Variants in PCDHGA6 observed in about 807,000 individuals in gnomAD.
PCDHGA6 encodes protocadherin gamma-A6.
PCDHGA6 carries 41 observed loss-of-function variants against 60.6 expected under a neutral mutation model. That is an observed-to-expected ratio of 0.68 (90% CI 0.53 to 0.88). The LOEUF (loss-of-function observed/expected upper bound fraction) is 0.88. PCDHGA6 is among the 40% of genes least tolerant of loss of function. PCDHGA6 has a pLI of 0.00. For synonymous variants in PCDHGA6, 594 were observed against 524.4 expected, an observed-to-expected ratio of 1.13 and a Z score of -1.81; for missense variants, 1,312 against 1,203.0, an observed-to-expected ratio of 1.09 and a Z score of -1.34.
intron 1 of PCDHGA6, chr5:141,414,320 A>G: frequency 1.9e-6 from 3 of 1,613,840 alleles, no homozygotes; most frequent in Middle Eastern, 1.6e-4. Flanking sequence ...GACTCTGAGC[A>G]GAATGGACAG....
At chr5:141,471,926 G>T (rs2099266798) in intron 1 of PCDHGA6, among the ~76,000 whole-genome samples, 1 of 152,110 alleles carries the variant, frequency 6.6e-6, no homozygotes, top group African/African-American at 2.4e-5. Flanking sequence ...AATTTTGGGG[G>T]TGATGAGAGT....
At position 141,431,850 on chromosome 5, in the gene PCDHGA6, C is replaced by T; in HGVS notation, c.2424+55343C>T. On this transcript the variant is annotated intron_variant, in intron 1 of 3. Transcript: ENST00000517434. The surrounding 1 kb of genome is among the most constrained non-coding windows in gnomAD (Gnocchi z 4.8). ...GTTCCCGAAAACTCTCCCAGAGGGA[C>T]ATTAATTGCCCTTTTAAATGTAAAT... The T allele has an allele frequency of 1.9e-6, 3 of 1,614,234 alleles. No homozygotes were observed. The highest frequency in any genetic ancestry group is 2.2e-5 in the South Asian group (2 of 91,090).
chr5:141,379,662 C>T (rs995589385), intron 1 of PCDHGA6: 1 of 152,126 alleles, frequency 6.6e-6, no homozygotes, highest in Non-Finnish European at 1.5e-5. Flanking sequence ...TCTACTCTCA[C>T]AAAAGTCATT....
chr5:141,435,951 G>A (rs371199258), intron 1 of PCDHGA6, among the ~76,000 whole-genome samples: 1 of 152,100 alleles, frequency 6.6e-6, no homozygotes, highest in Non-Finnish European at 1.5e-5. Context: ...ACCAAAAAAG[G>A]GGGCAAAATA....
intron 1 of PCDHGA6, among the ~76,000 whole-genome samples, chr5:141,474,263 A>C (rs964712807): frequency 6.6e-6 from 1 of 152,188 alleles, no homozygotes; most frequent in Non-Finnish European, 1.5e-5. Context: ...CTGATAAACC[A>C]GTGTATCTCT....
intron 1 of PCDHGA6, chr5:141,478,588 T>G (rs2099465964): frequency 6.3e-7 from 1 of 1,575,000 alleles, no homozygotes; most frequent in African/African-American, 1.4e-5. Flanking sequence ...TAGTGCTTTT[T>G]TATTCCTACA....
At chr5:141,427,444 G>T (rs1184893966) in intron 1 of PCDHGA6, 1 of 482,228 alleles carries the variant, frequency 2.1e-6, no homozygotes, top group South Asian at 1.5e-5. Flanking sequence ...ATAAACGAAA[G>T]AGTTCCTTTT....
chr5:141,399,210 A>G, intron 1 of PCDHGA6: 2 of 1,613,974 alleles, frequency 1.2e-6, no homozygotes, highest in Non-Finnish European at 1.7e-6. Context: ...CTGGAACACT[A>G]ATTGCTTTGA....
At chr5:141,409,201 AATC>A (rs1377420843) in intron 1 of PCDHGA6, 1 of 1,614,044 alleles carries the variant, frequency 6.2e-7, no homozygotes, top group Non-Finnish European at 8.5e-7. Context: ...AGTGTAAAGT[AATC>A]ATAGAAATCC....
At chr5:141,412,906 T>G in intron 1 of PCDHGA6, 1 of 384,208 alleles carries the variant, frequency 2.6e-6, no homozygotes, top group Non-Finnish European at 4.6e-6. Context: ...TTCCATTGCA[T>G]GTATCACTTG....
chr5:141,404,387 C>A, intron 1 of PCDHGA6: 1 of 1,613,874 alleles, frequency 6.2e-7, no homozygotes, highest in Non-Finnish European at 8.5e-7. Context: ...TGCCTATGAC[C>A]CTGATAGCAA....
Position 141,398,399 on chromosome 5 carries a change from A to G in PCDHGA6, c.2424+21892A>G, listed in dbSNP as rs763282563. 8 of 1,466,584 alleles carry G rather than the reference A, an allele frequency of 5.5e-6. No individual in the cohort carries two copies. In the Admixed American group the frequency reaches 7.2e-5, roughly 13 times the overall value. 90.8% of individuals were successfully genotyped at this position (1,466,584 alleles called of 1,614,324 possible). ...GAGTTGCTTGTGAGCAGCAGGCTAG[A>G]CAGGGAGGAGATATGCGGGAAGAAG... On this transcript the variant is annotated intron_variant, in intron 1 of 3. Coordinates refer to ENST00000517434, the MANE Select transcript of PCDHGA6 (RefSeq NM_018919.3).
intron 1 of PCDHGA6, among the ~76,000 whole-genome samples, chr5:141,460,646 C>T (rs1001365023): frequency 2.0e-5 from 3 of 151,954 alleles, no homozygotes; most frequent in African/African-American, 7.3e-5. Context: ...ACTGTGTTTA[C>T]ACATATGTAA....
intron 1 of PCDHGA6, chr5:141,385,218 C>G (rs765263628): frequency 6.2e-7 from 1 of 1,614,234 alleles, no homozygotes; most frequent in South Asian, 1.1e-5. Flanking sequence ...TCCCCCAGCC[C>G]AACTATGTAG....
intron 1 of PCDHGA6, among the ~76,000 whole-genome samples, chr5:141,473,343 T>C (rs1309426537): frequency 6.6e-6 from 1 of 152,218 alleles, no homozygotes; most frequent in Non-Finnish European, 1.5e-5. Flanking sequence ...TGCTAGACAG[T>C]GAGGATGCAA....
At chr5:141,488,565 C>T (rs1308485284) in intron 1 of PCDHGA6, among the ~76,000 whole-genome samples, 1 of 152,174 alleles carries the variant, frequency 6.6e-6, no homozygotes, top group Non-Finnish European at 1.5e-5. Flanking sequence ...GAGATTTCCG[C>T]AAAGCATTGC....
Position 141,423,542 on chromosome 5 carries a change from C to T in PCDHGA6, c.2424+47035C>T, listed in dbSNP as rs755766737. 4.3e-6 allele frequency: 7 copies of T among 1,613,616 alleles called. No individual in the cohort carries two copies. The African/African-American group carries it at 6.7e-5, about 15-fold the overall frequency. The stretch of plus-strand genomic sequence containing the variant: ...TCGCAGAAGAGTCACCTGATTTTCC[C>T]CCAGCCCAACTATGGGGACACGCTC... On this transcript the variant is annotated intron_variant, in intron 1 of 3. Transcript: ENST00000517434.
intron 1 of PCDHGA6, among the ~76,000 whole-genome samples, chr5:141,450,951 A>G (rs1018018318): frequency 1.3e-5 from 2 of 151,732 alleles, no homozygotes; most frequent in Non-Finnish European, 2.9e-5. Context: ...CAGCCTCCCA[A>G]GTAGCTGGGA....
At position 141,493,482 on chromosome 5, in the gene PCDHGA6, G is replaced by A. The variant is rs184736387; in HGVS notation, c.2425-1325G>A. ...TTTTAGGACCTTACATGTGGGGAAA[G>A]TCTTCTGTGGCTCCTCATTTCTGAG... On this transcript the variant is annotated intron_variant, in intron 1 of 3. Coordinates refer to ENST00000517434, the MANE Select transcript of PCDHGA6 (RefSeq NM_018919.3). This position sits in a 1 kb window ranked among gnomAD's most constrained non-coding sequence, Gnocchi z 4.3. Among the ~76,000 whole-genome samples the A allele has an allele frequency of 1.5e-3, 229 of 152,324 alleles. No homozygotes were observed. Among genetic ancestry groups the A allele is most frequent in the Non-Finnish European group, 2.2e-3 (147 of 68,030 alleles).
Sources: gnomAD v4.1 joint callset for allele counts (sites outside exome capture counted in the v4.1 genomes callset) on GRCh38, gnomAD v4.1.1 for gene constraint, Gnocchi (gnomAD v3.1) non-coding constraint, MANE v1.5 for transcripts, NCBI Gene and HGNC (gene_info 2026-07-23, HGNC 2026-07-21) for gene names.